CNTNAP2: variants seen among roughly 807,000 people sequenced by gnomAD.
CNTNAP2 encodes contactin associated protein 2, also known as contactin-associated protein-like 2.
In CNTNAP2, 98 loss-of-function variants were observed where a neutral mutation model predicts 155.2. That is an observed-to-expected ratio of 0.63 (90% CI 0.54 to 0.75). The LOEUF is 0.75. CNTNAP2 is among the 30% of genes least tolerant of loss of function. The pLI is 0.00. For synonymous variants in CNTNAP2, 651 were observed against 631.2 expected, an observed-to-expected ratio of 1.03 and a Z score of -0.47; for missense variants, 1,727 against 1,688.1, an observed-to-expected ratio of 1.02 and a Z score of -0.40.
chr7:147,876,689 C>T (rs1430893235), intron 13 of CNTNAP2, among the ~76,000 whole-genome samples: 1 of 152,022 alleles, frequency 6.6e-6, no homozygotes, highest in African/African-American at 2.4e-5. Flanking sequence ...TCTGTTTGGT[C>T]AATCTCTGGC....
At chr7:147,815,702 C>T (rs1798253341) in intron 13 of CNTNAP2, among the ~76,000 whole-genome samples, 1 of 152,150 alleles carries the variant, frequency 6.6e-6, no homozygotes, top group East Asian at 1.9e-4. Flanking sequence ...TCCAGGGATC[C>T]AGGTGTGGAC....
At chr7:147,246,056 C>CACATATATGGCATATATATATAT (rs1804055232) in intron 8 of CNTNAP2, among the ~76,000 whole-genome samples, 3 of 133,500 alleles carry the variant, frequency 2.2e-5, no homozygotes, top group African/African-American at 9.4e-5. Context: ...TATATATATA[C>CACATATATGGCATATATATATAT]ACATATATAT....
rs1053844791 is a variant in CNTNAP2, at chr7:146,822,451, C to A, written c.209-17260C>A. Among the ~76,000 whole-genome samples, 12 of 151,152 alleles carry A rather than the reference C, an allele frequency of 7.9e-5. No individual in the cohort carries two copies. The Admixed American group carries it at 7.9e-4, about 10-fold the overall frequency. On this transcript the variant is annotated intron_variant, in intron 2 of 23. Transcript: ENST00000361727. ...CAAACCTGCACATTGTTCACATGTACCTTCAAACTTAAAGTGTAATAATAA... is the reference window on the plus strand; with the variant it reads ...CAAACCTGCACATTGTTCACATGTAACTTCAAACTTAAAGTGTAATAATAA...
chr7:147,558,394 C>G (rs944809310), intron 11 of CNTNAP2, among the ~76,000 whole-genome samples: 5 of 151,928 alleles, frequency 3.3e-5, no homozygotes, highest in Admixed American at 6.6e-5. Flanking sequence ...TTGAATTTAC[C>G]TTTTTTCAGG....
intron 9 of CNTNAP2, among the ~76,000 whole-genome samples, chr7:147,369,218 C>T (rs1314721877): frequency 6.6e-6 from 1 of 152,100 alleles, no homozygotes; most frequent in African/African-American, 2.4e-5. Flanking sequence ...TAGTTTATTC[C>T]TTCTTCTTTT....
chr7:147,737,019 A>G (rs541213987), intron 13 of CNTNAP2, among the ~76,000 whole-genome samples: 1 of 152,220 alleles, frequency 6.6e-6, no homozygotes, highest in South Asian at 2.1e-4. Flanking sequence ...TCTTCTCTCA[A>G]CTCATCAAAG....
At chr7:148,249,702 C>A (rs182739016) in intron 20 of CNTNAP2, among the ~76,000 whole-genome samples, 1 of 152,212 alleles carries the variant, frequency 6.6e-6, no homozygotes, top group African/African-American at 2.4e-5. Flanking sequence ...CAACTCCATC[C>A]TTCCAGCTGG....
intron 22 of CNTNAP2, 63 bp from the exon 23 acceptor site, chr7:148,409,328 A>G: frequency 7.9e-7 from 1 of 1,261,452 alleles, no homozygotes; most frequent in Non-Finnish European, 1.2e-6. Flanking sequence ...AGAAATAGGT[A>G]TCAAATTATT....
At chr7:146,190,536 G>A (rs774574615) in intron 1 of CNTNAP2, among the ~76,000 whole-genome samples, 2 of 152,076 alleles carry the variant, frequency 1.3e-5, no homozygotes, top group Admixed American at 6.6e-5. Flanking sequence ...CATCCCTGTG[G>A]TACCAAAACC....
intron 1 of CNTNAP2, among the ~76,000 whole-genome samples, chr7:146,199,861 A>C (rs1300924498): frequency 6.6e-6 from 1 of 152,180 alleles, no homozygotes; most frequent in Non-Finnish European, 1.5e-5. Context: ...CATGAGCTGA[A>C]ATTTTAATAT....
chr7:147,466,151 C>G (rs1450620383), intron 10 of CNTNAP2, among the ~76,000 whole-genome samples: 2 of 152,146 alleles, frequency 1.3e-5, no homozygotes, highest in Non-Finnish European at 2.9e-5. Flanking sequence ...CAAGTGTGGA[C>G]AGCCATCTAG....
chr7:148,363,651 T>C (rs1459223919), intron 21 of CNTNAP2, among the ~76,000 whole-genome samples: 2 of 152,174 alleles, frequency 1.3e-5, no homozygotes, highest in Non-Finnish European at 2.9e-5. Context: ...GGTGACAGCG[T>C]GCTGGCAGTC....
chr7:148,087,260 G>A (rs1482937615), intron 15 of CNTNAP2, among the ~76,000 whole-genome samples: 1 of 152,024 alleles, frequency 6.6e-6, no homozygotes, highest in Non-Finnish European at 1.5e-5. Flanking sequence ...TAAGTTTTAA[G>A]GGAAACTTGA....
At chr7:147,029,075 C>T (rs1194315254) in intron 3 of CNTNAP2, among the ~76,000 whole-genome samples, 1 of 151,328 alleles carries the variant, frequency 6.6e-6, no homozygotes, top group Non-Finnish European at 1.5e-5. Flanking sequence ...GCCATTCTCC[C>T]GTCTCAGCCT....
chr7:148,355,166 C>CTTTGTTTTTTT (rs1798490151), intron 21 of CNTNAP2, among the ~76,000 whole-genome samples: 3 of 41,022 alleles, frequency 7.3e-5, no homozygotes, highest in East Asian at 8.1e-4. Context: ...CCGCCAGCTG[C>CTTTGTTTTTTT]TTTTTTTTTT....
chr7:148,279,625 T>G (rs754158771), intron 21 of CNTNAP2, among the ~76,000 whole-genome samples: 4 of 152,218 alleles, frequency 2.6e-5, no homozygotes, highest in Admixed American at 6.5e-5. Flanking sequence ...TAACACGGCC[T>G]TTTCCTGTCT....
chr7:147,774,560 A>G (rs1279447602), intron 13 of CNTNAP2, among the ~76,000 whole-genome samples: 1 of 152,180 alleles, frequency 6.6e-6, no homozygotes, highest in African/African-American at 2.4e-5. Context: ...AATTAAGGTT[A>G]AATGAGGTCA....
chr7:148,135,930 T>G (rs1310527074), intron 16 of CNTNAP2, among the ~76,000 whole-genome samples: 1 of 95,306 alleles, frequency 1.0e-5, no homozygotes, highest in Non-Finnish European at 2.0e-5. Context: ...GAAACCACAC[T>G]GGAAGGAGGA....
At chr7:147,936,075 T>C (rs1386277780) in intron 14 of CNTNAP2, among the ~76,000 whole-genome samples, 1 of 152,134 alleles carries the variant, frequency 6.6e-6, no homozygotes, top group Non-Finnish European at 1.5e-5. Flanking sequence ...ACAAATAAAA[T>C]AACTACACCT....
Sources: gnomAD v4.1 joint callset for allele counts (sites outside exome capture counted in the v4.1 genomes callset) on GRCh38, gnomAD v4.1.1 for gene constraint, MANE v1.5 for transcripts, NCBI Gene and HGNC (gene_info 2026-07-23, HGNC 2026-07-21) for gene names.